The following CA10 variants were observed in gnomAD, a reference collection of about 807,000 sequenced individuals.
CA10 encodes carbonic anhydrase-related protein 10.
Under a neutral mutation model 44.2 loss-of-function variants are expected in CA10, and 14 were observed. The observed-to-expected ratio is 0.32, with a 90% CI of 0.21 to 0.50. The LOEUF is 0.50. Ranked by LOEUF, CA10 falls within the 20% of genes least tolerant of loss-of-function variation. The pLI, the probability that CA10 is intolerant of heterozygous loss-of-function variation, is 0.99. For synonymous variants in CA10, 159 were observed against 141.6 expected (o/e 1.12, Z -0.87); for missense variants, 350 against 409.7 (o/e 0.85, Z 1.26).
At chr17:52,020,783 A>G (rs1410982014) in intron 2 of CA10, among the ~76,000 whole-genome samples, 1 of 152,010 alleles carries the variant, frequency 6.6e-6, no homozygotes, top group Non-Finnish European at 1.5e-5. Context: ...CCCAATAAAT[A>G]GTTTTTCAAC....
chr17:52,119,238 C>A (rs1235322142), intron 1 of CA10, among the ~76,000 whole-genome samples: 1 of 150,834 alleles, frequency 6.6e-6, no homozygotes, highest in Non-Finnish European at 1.5e-5. Context: ...TGACTTATGG[C>A]AGTATTCATG....
chr17:51,735,809 T>C (rs1428847641), intron 4 of CA10, among the ~76,000 whole-genome samples: 2 of 140,150 alleles, frequency 1.4e-5, no homozygotes, highest in Non-Finnish European at 3.1e-5. Flanking sequence ...TTAATTCTAC[T>C]GTATAACTTA....
chr17:51,967,160 A>ATT (rs1410686991), intron 2 of CA10, among the ~76,000 whole-genome samples: 9 of 151,728 alleles, frequency 5.9e-5, no homozygotes, highest in African/African-American at 2.2e-4. Flanking sequence ...ATGTGTCAGA[A>ATT]TGGCTACTAT....
At chr17:51,671,036 C>T (rs180998436) in intron 4 of CA10, among the ~76,000 whole-genome samples, 1 of 152,284 alleles carries the variant, frequency 6.6e-6, no homozygotes, top group Admixed American at 6.5e-5. Flanking sequence ...TCCCCTTGCA[C>T]TCCTATAGTT....
At chr17:51,659,263 C>T (rs1381221717) in intron 4 of CA10, among the ~76,000 whole-genome samples, 1 of 152,140 alleles carries the variant, frequency 6.6e-6, no homozygotes, top group African/African-American at 2.4e-5. Flanking sequence ...TGCCCCTGGA[C>T]ATCAGAGCTC....
intron 1 of CA10, among the ~76,000 whole-genome samples, chr17:52,148,368 C>T (rs1487917094): frequency 6.6e-6 from 1 of 152,162 alleles, no homozygotes; most frequent in African/African-American, 2.4e-5. Context: ...CTTTAATTGT[C>T]CTAGTTCAAG....
intron 3 of CA10, among the ~76,000 whole-genome samples, chr17:51,768,096 C>T (rs1215772673): frequency 6.6e-6 from 1 of 151,986 alleles, no homozygotes; most frequent in Non-Finnish European, 1.5e-5. Context: ...GCCACAATTT[C>T]CTTCGGGAAA....
At chr17:52,036,119 T>G (rs1479240673) in intron 2 of CA10, among the ~76,000 whole-genome samples, 2 of 152,202 alleles carry the variant, frequency 1.3e-5, no homozygotes, top group East Asian at 3.9e-4. Context: ...ATGTTGATGC[T>G]GCTGGGCCAG....
chr17:51,912,425 C>A (rs1009444484), intron 3 of CA10, among the ~76,000 whole-genome samples: 2 of 152,112 alleles, frequency 1.3e-5, no homozygotes, highest in African/African-American at 4.8e-5. Context: ...ATGCATCCTG[C>A]CAACTTCATA....
At chr17:51,865,188 C>G (rs1329951442) in intron 3 of CA10, among the ~76,000 whole-genome samples, 1 of 152,102 alleles carries the variant, frequency 6.6e-6, no homozygotes, top group East Asian at 1.9e-4. Context: ...TCTCACTTTC[C>G]TGCTTTATTT....
At chr17:51,896,804 G>A (rs58151177) in intron 3 of CA10, among the ~76,000 whole-genome samples, 14,963 of 152,156 alleles carry the variant, frequency 0.098, 917 homozygotes, top group African/African-American at 0.18. Context: ...GTATCTCATT[G>A]TGGTTTTGAT....
chr17:51,740,006 C>A (rs1904393622), intron 4 of CA10, among the ~76,000 whole-genome samples: 1 of 152,132 alleles, frequency 6.6e-6, no homozygotes, highest in African/African-American at 2.4e-5. Context: ...AATTTACTTA[C>A]CTTGTATTTG....
intron 3 of CA10, among the ~76,000 whole-genome samples, chr17:51,759,072 C>T (rs904968725): frequency 6.6e-6 from 1 of 152,168 alleles, no homozygotes; most frequent in Non-Finnish European, 1.5e-5. Flanking sequence ...GGTTAAAATT[C>T]GGCTTTAAAC....
At chr17:51,995,008 AGGTCTTTT>A (rs1339225645) in intron 2 of CA10, among the ~76,000 whole-genome samples, 2 of 152,014 alleles carry the variant, frequency 1.3e-5, no homozygotes, top group Non-Finnish European at 2.9e-5. Context: ...CCTTTTCTAT[AGGTCTTTT>A]TTTCTTTCCT....
intron 2 of CA10, among the ~76,000 whole-genome samples, chr17:51,943,630 T>G (rs1414313702): frequency 3.3e-5 from 5 of 152,122 alleles, no homozygotes; most frequent in Non-Finnish European, 5.9e-5. Flanking sequence ...ATGCATGGAG[T>G]GCTTGTTGCA....
chr17:51,760,931 T>C (rs771847491), intron 3 of CA10, among the ~76,000 whole-genome samples: 1 of 152,262 alleles, frequency 6.6e-6, no homozygotes, highest in Non-Finnish European at 1.5e-5. Flanking sequence ...TATTCATTTT[T>C]CATAAATCTT....
At chr17:51,866,595 G>T (rs1979556924) in intron 3 of CA10, among the ~76,000 whole-genome samples, 1 of 152,128 alleles carries the variant, frequency 6.6e-6, no homozygotes, top group South Asian at 2.1e-4. Flanking sequence ...TCTGCACCCT[G>T]GACATCATTG....
intron 1 of CA10, among the ~76,000 whole-genome samples, chr17:52,093,164 A>G (rs1178363692): frequency 6.6e-6 from 1 of 151,908 alleles, no homozygotes; most frequent in Non-Finnish European, 1.5e-5. Context: ...ACATACATAT[A>G]TCAGGGAAGT....
intron 2 of CA10, among the ~76,000 whole-genome samples, chr17:51,989,145 CTCTGTT>C (rs1371880209): frequency 6.7e-6 from 1 of 148,610 alleles, no homozygotes; most frequent in African/African-American, 2.5e-5. Flanking sequence ...ATATCAGAAT[CTCTGTT>C]TCTTTTTTTT....
Sources: gnomAD v4.1 joint callset for allele counts (sites outside exome capture counted in the v4.1 genomes callset) on GRCh38, gnomAD v4.1.1 for gene constraint, MANE v1.5 for transcripts, NCBI Gene and HGNC (gene_info 2026-07-23, HGNC 2026-07-21) for gene names.